ANKRD12: variants seen among roughly 807,000 people sequenced by gnomAD.
ANKRD12 encodes ankyrin repeat domain-containing protein 12.
ANKRD12 carries 85 observed loss-of-function variants against 183.4 expected under a neutral mutation model. The ratio of observed to expected loss-of-function variants is 0.46; its 90% CI spans 0.39 to 0.56. ANKRD12 has a LOEUF of 0.56. ANKRD12 is among the 20% of genes least tolerant of loss of function. The pLI is 0.00. For synonymous variants in ANKRD12, 914 were observed against 800.2 expected, an observed-to-expected ratio of 1.14 and a Z score of -2.40; for missense variants, 2,405 against 2,357.1, an observed-to-expected ratio of 1.02 and a Z score of -0.42.
chr18:9,143,779 C>T (rs1354138888), intron 1 of ANKRD12, among the ~76,000 whole-genome samples: 1 of 152,114 alleles, frequency 6.6e-6, no homozygotes, highest in African/African-American at 2.4e-5. Context: ...CTTTAAGCTG[C>T]AGTTGAATAT....
Position 9,163,422 on chromosome 18 carries a change from A to T in ANKRD12, c.-51-18960A>T, listed in dbSNP as rs542190190. Among the ~76,000 whole-genome samples the T allele has an allele frequency of 2.0e-5, 3 of 152,138 alleles. No homozygotes were observed. The South Asian group carries it at 6.2e-4, about 32-fold the overall frequency. ...TCTGTGTGTCTGTTTTTGTACCAGTACCTTGCTGTTTTGGTTGCTGTAGCC... is the reference window on the plus strand; with the variant it reads ...TCTGTGTGTCTGTTTTTGTACCAGTTCCTTGCTGTTTTGGTTGCTGTAGCC... On this transcript the variant is annotated intron_variant, in intron 1 of 12. Coordinates refer to ENST00000262126, the MANE Select transcript of ANKRD12 (RefSeq NM_015208.5).
At chr18:9,182,107 G>A (rs756770265) in intron 1 of ANKRD12, among the ~76,000 whole-genome samples, 1 of 152,134 alleles carries the variant, frequency 6.6e-6, no homozygotes, top group East Asian at 1.9e-4. Context: ...AAAGAGAAAC[G>A]TTTTGTCACT....
intron 1 of ANKRD12, among the ~76,000 whole-genome samples, chr18:9,170,910 T>C (rs990432686): frequency 3.3e-5 from 5 of 152,210 alleles, no homozygotes; most frequent in African/African-American, 1.2e-4. Flanking sequence ...TGTTTGTTAG[T>C]TTTCCTTCTA....
rs1863199253 is a variant in ANKRD12 at position 9,256,336 on chromosome 18, TATAG to T, written c.3077_3080del (p.Arg1026ThrfsTer13). On this transcript the variant is annotated frameshift_variant, in exon 9 of 13. Coordinates refer to ENST00000262126, the MANE Select transcript of ANKRD12 (RefSeq NM_015208.5). LOFTEE classifies it high-confidence loss of function. ...AAGAAAAAGATAAAAAAGATAAAGA[TATAG>T]ATAGATACAAAGAACGAGACAAACA... 1 of 1,593,056 alleles carries T rather than the reference TATAG, an allele frequency of 6.3e-7. No individual in the cohort carries two copies. Among genetic ancestry groups the T allele is most frequent in the Non-Finnish European group, 8.5e-7 (1 of 1,170,142 alleles).
At chr18:9,145,205 C>G (rs1184209960) in intron 1 of ANKRD12, among the ~76,000 whole-genome samples, 2 of 152,188 alleles carry the variant, frequency 1.3e-5, no homozygotes, top group East Asian at 1.9e-4. Flanking sequence ...TCACTACAGC[C>G]TCAAACTTCT....
intron 1 of ANKRD12, among the ~76,000 whole-genome samples, chr18:9,140,920 C>T (rs1454090988): frequency 2.0e-5 from 3 of 152,076 alleles, no homozygotes; most frequent in African/African-American, 4.8e-5. Context: ...TCATAATAAC[C>T]TTGTAAAACG....
chr18:9,243,012 ACT>A (rs1363577821), intron 8 of ANKRD12, among the ~76,000 whole-genome samples: 1 of 152,070 alleles, frequency 6.6e-6, no homozygotes, highest in African/African-American at 2.4e-5. Context: ...TTTAGAAGAG[ACT>A]CTGTAAAATT....
chr18:9,188,853 G>A (rs529644893), intron 2 of ANKRD12, among the ~76,000 whole-genome samples: 3 of 152,142 alleles, frequency 2.0e-5, no homozygotes, highest in Admixed American at 2.0e-4. Context: ...CCACTTACTG[G>A]CTTCTCTCCC....
intron 1 of ANKRD12, among the ~76,000 whole-genome samples, chr18:9,163,036 C>G (rs906283535): frequency 6.6e-6 from 1 of 151,996 alleles, no homozygotes; most frequent in Non-Finnish European, 1.5e-5. Context: ...GCAGAAGCTC[C>G]TTAGTTTAAT....
chr18:9,191,925 A>G (rs1020906761), intron 2 of ANKRD12, among the ~76,000 whole-genome samples: 2 of 152,148 alleles, frequency 1.3e-5, no homozygotes, highest in African/African-American at 4.8e-5. Context: ...AAGGTAGCCA[A>G]TCCCAAGCCT....
chr18:9,156,882 C>G (rs563945034), intron 1 of ANKRD12, among the ~76,000 whole-genome samples: 1 of 152,310 alleles, frequency 6.6e-6, no homozygotes, highest in South Asian at 2.1e-4. Flanking sequence ...AATCTAGTCA[C>G]ACAAAAGGAA....
At chr18:9,203,710 T>C (rs2035316816) in intron 3 of ANKRD12, among the ~76,000 whole-genome samples, 1 of 152,170 alleles carries the variant, frequency 6.6e-6, no homozygotes, top group Non-Finnish European at 1.5e-5. Flanking sequence ...GTTCAAGTGA[T>C]TCTCTGGCCT....
rs778849514 is a variant in ANKRD12 at position 9,256,172 on chromosome 18, A to G, written c.2905A>G (p.Ser969Gly). 92 of 1,560,564 alleles carry G rather than the reference A, an allele frequency of 5.9e-5. 2 individuals are homozygous for G. In the South Asian group the frequency reaches 1.1e-3, roughly 18 times the overall value. ...DKKEKSRDKE[S>G]INITNSKHIQ... The stretch of plus-strand genomic sequence containing the variant: ...AAAGGAAAAATCTAGAGATAAAGAA[A>G]GTATAAATATAACTAACTCCAAACA... The change falls in exon 9 of 13, where the codon AGT becomes GGT. Residue 969 changes from serine (S) to glycine (G), a missense_variant. Physicochemically the swap from Ser to Gly is moderately conservative, Grantham distance 56. Around this residue, in one of 7 missense-constraint regions of ANKRD12, gnomAD observed 1,983 missense variants for 1,725.9 expected, o/e 1.15. Coordinates refer to ENST00000262126, the MANE Select transcript of ANKRD12 (RefSeq NM_015208.5).
intron 5 of ANKRD12, among the ~76,000 whole-genome samples, chr18:9,209,650 G>T (rs1417512744): frequency 2.0e-5 from 3 of 152,150 alleles, no homozygotes; most frequent in Admixed American, 2.0e-4. Context: ...TTTAAAAATA[G>T]AGTACGTTGT....
intron 8 of ANKRD12, among the ~76,000 whole-genome samples, chr18:9,243,015 C>T (rs1055691188): frequency 6.6e-6 from 1 of 152,188 alleles, no homozygotes; most frequent in African/African-American, 2.4e-5. Flanking sequence ...AGAAGAGACT[C>T]TGTAAAATTA....
intron 1 of ANKRD12, among the ~76,000 whole-genome samples, chr18:9,162,816 T>TTC (rs2031605009): frequency 6.6e-6 from 1 of 152,020 alleles, no homozygotes. Context: ...GAGTTTTTTT[T>TTC]CATGTTTGTT....
chr18:9,240,036 T>A (rs2037570335), intron 8 of ANKRD12, among the ~76,000 whole-genome samples: 1 of 152,168 alleles, frequency 6.6e-6, no homozygotes, highest in Admixed American at 6.5e-5. Flanking sequence ...GAAAAAATAT[T>A]ATGGAAAAAA....
chr18:9,216,804 T>G lies in ANKRD12; in HGVS notation c.699T>G (p.Val233=). 1.2e-6 allele frequency: 2 copies of G among 1,613,700 alleles called. No homozygotes were observed. The highest frequency in any genetic ancestry group is 1.7e-6 in the Non-Finnish European group (2 of 1,179,720). Residue 233 remains valine (V), a synonymous_variant, in exon 7 of 13, where the codon GTT becomes GTG. Transcript: ENST00000262126. Reference sequence around the variant, plus strand: ...CTTGCAATGTTGGATATTACGATGTTGCTAAGATACTTATAGCAGCTGGAG... The same window carrying G: ...CTTGCAATGTTGGATATTACGATGTGGCTAAGATACTTATAGCAGCTGGAG... ...HEACNVGYYD[V]AKILIAAGAD...
rs928190979 is a variant in ANKRD12 at position 9,283,718 on chromosome 18, A to T, written c.*2592A>T. ...TAAATATCTGTTTAATGACTAGTTG[A>T]TATTTGTGCATGTTATTTAATAAAG... On this transcript the variant is annotated 3_prime_UTR_variant, in exon 13 of 13. Coordinates refer to ENST00000262126, the MANE Select transcript of ANKRD12 (RefSeq NM_015208.5). 19 of 152,602 alleles carry T rather than the reference A, an allele frequency of 1.2e-4. No homozygotes were observed. Among genetic ancestry groups the T allele is most frequent in the African/African-American group, 4.3e-4 (18 of 41,444 alleles). 9.5% of individuals were successfully genotyped at this position (152,602 alleles called of 1,614,324 possible). A position where few individuals can be genotyped will look rare whatever the true frequency, so the allele number is the denominator to read the frequency against.
Sources: gnomAD v4.1 joint callset for allele counts (sites outside exome capture counted in the v4.1 genomes callset) on GRCh38, gnomAD v4.1.1 for gene constraint, gnomAD v4.1.1 regional missense constraint, MANE v1.5 for transcripts, NCBI Gene and HGNC (gene_info 2026-07-23, HGNC 2026-07-21) for gene names.